Variants in ITPRID1 observed in about 807,000 individuals in gnomAD.
ITPRID1 encodes the protein ITPR interacting domain containing 1, also known as protein ITPRID1.
Under a neutral mutation model 95.4 loss-of-function variants are expected in ITPRID1, and 96 were observed. The ratio of observed to expected loss-of-function variants is 1.01; its 90% CI spans 0.85 to 1.19. The LOEUF is 1.19. ITPRID1 is among the 50% of genes most tolerant of loss of function. The pLI, the probability that ITPRID1 is intolerant of heterozygous loss-of-function variation, is 0.00. For synonymous variants in ITPRID1, 510 were observed against 453.6 expected (o/e 1.12, Z -1.58); for missense variants, 1,339 against 1,252.9 (o/e 1.07, Z -1.04).
At chr7:31,571,714 T>C (rs1223573665) in intron 6 of ITPRID1, among the ~76,000 whole-genome samples, 1 of 152,190 alleles carries the variant, frequency 6.6e-6, no homozygotes, top group Admixed American at 6.5e-5. Context: ...AGAATTAATG[T>C]AGAGTCACTT....
chr7:31,652,687 G>T lies in ITPRID1; in HGVS notation c.2993G>T (p.Gly998Val). The part of the protein sequence containing the change: ...DDGQEAPCSG[G>V]TQLAAFTPPT... The stretch of plus-strand genomic sequence containing the variant: ...GGCCAGGAGGCTCCCTGTTCAGGTG[G>T]GACCCAGTTGGCTGCCTTCACTCCA... The change falls in exon 15 of 15, where the codon GGG (glycine) becomes GTG (valine). Residue 998 changes from glycine (G) to valine (V), a missense_variant. Physicochemically the swap from Gly to Val is moderately radical, Grantham distance 109 (BLOSUM62 -3). Transcript: ENST00000615280. 6.2e-7 allele frequency: 1 copy of T among 1,613,892 alleles called. No individual in the cohort carries two copies. The highest frequency in any genetic ancestry group is 8.5e-7 in the Non-Finnish European group (1 of 1,179,878).
chr7:31,540,428 G>T (rs1245673517), intron 1 of ITPRID1, among the ~76,000 whole-genome samples: 1 of 152,112 alleles, frequency 6.6e-6, no homozygotes, highest in Non-Finnish European at 1.5e-5. Flanking sequence ...AGAAAAATTA[G>T]AATTTAATTT....
chr7:31,641,573 A>G (rs1790020829), intron 10 of ITPRID1, among the ~76,000 whole-genome samples: 1 of 152,168 alleles, frequency 6.6e-6, no homozygotes, highest in African/African-American at 2.4e-5. Context: ...GTAAGAATCT[A>G]CAGATAGATT....
chr7:31,533,458 T>C (rs1783665157), intron 1 of ITPRID1, among the ~76,000 whole-genome samples: 1 of 152,218 alleles, frequency 6.6e-6, no homozygotes, highest in African/African-American at 2.4e-5. Flanking sequence ...TTATCTGTTT[T>C]GTATTTTATT....
At chr7:31,657,055 G>A (rs1039137154), downstream of ITPRID1, among the ~76,000 whole-genome samples, 10 of 51,602 alleles carry the variant, frequency 1.9e-4, no homozygotes, top group Non-Finnish European at 2.8e-4. Context: ...ACACACACAC[G>A]CACTATATAT....
chr7:31,595,553 A>AT (rs1424970501), intron 10 of ITPRID1, among the ~76,000 whole-genome samples: 4 of 151,366 alleles, frequency 2.6e-5, no homozygotes, highest in African/African-American at 9.7e-5. Flanking sequence ...AAAATTACTA[A>AT]TTCAGATCAC....
intron 1 of ITPRID1, among the ~76,000 whole-genome samples, chr7:31,521,059 G>A (rs994148463): frequency 9.8e-6 from 1 of 102,546 alleles, no homozygotes; most frequent in African/African-American, 4.0e-5. Context: ...TTTTTTCATT[G>A]TTTTCCATTT....
intron 1 of ITPRID1, among the ~76,000 whole-genome samples, chr7:31,540,846 C>T (rs1783911267): frequency 6.6e-6 from 1 of 152,142 alleles, no homozygotes; most frequent in Admixed American, 6.5e-5. Flanking sequence ...ATCAGAAACC[C>T]TCTACAGGGA....
intron 10 of ITPRID1, among the ~76,000 whole-genome samples, chr7:31,603,295 C>T (rs1181002630): frequency 2.0e-5 from 3 of 152,080 alleles, no homozygotes; most frequent in East Asian, 1.9e-4. Context: ...CCTCCCTCCC[C>T]GTGGCAGCTG....
chr7:31,611,571 T>A (rs913468540), intron 10 of ITPRID1, among the ~76,000 whole-genome samples: 9 of 151,872 alleles, frequency 5.9e-5, no homozygotes, highest in Admixed American at 6.6e-5. Context: ...AAATTGTCTC[T>A]TTATATCCTG....
intron 7 of ITPRID1, among the ~76,000 whole-genome samples, chr7:31,573,865 T>A (rs1241766966): frequency 2.0e-5 from 3 of 150,350 alleles, no homozygotes; most frequent in African/African-American, 4.9e-5. Context: ...AAATTAAAAA[T>A]ATATATAAAA....
Position 31,625,922 on chromosome 7 carries a change from A to G in ITPRID1, c.1229-16254A>G, listed in dbSNP as rs375519455. On this transcript the variant is annotated intron_variant, in intron 10 of 14. Transcript: ENST00000615280. ...TTGTATTTCAGATACAGGTACACCT[A>G]ATGTTAGTAAGAAGGGTTTTTATTT... Among the ~76,000 whole-genome samples the G allele has an allele frequency of 2.2e-4, 33 of 152,308 alleles. 1 individual carries two copies. The highest frequency in any genetic ancestry group is 1.2e-3 in the Admixed American group (18 of 15,306).
Position 31,516,185 on chromosome 7 carries a change from C to T in ITPRID1, c.-98+2065C>T, listed in dbSNP as rs185223047. Among the ~76,000 whole-genome samples, 898 of 152,132 alleles carry T rather than the reference C, an allele frequency of 5.9e-3. 11 individuals carry two copies. Among genetic ancestry groups the T allele is most frequent in the African/African-American group, 0.021 (859 of 41,502 alleles). ...TAAGGCTAGAAGATTAATAATAAAC[C>T]CTCTTTGTAAAACACAGTATATAAT... On this transcript the variant is annotated intron_variant, in intron 1 of 14. Transcript: ENST00000615280.
intron 1 of ITPRID1, among the ~76,000 whole-genome samples, chr7:31,514,910 G>A (rs565885031): frequency 1.9e-4 from 29 of 151,512 alleles, no homozygotes; most frequent in African/African-American, 7.0e-4. Flanking sequence ...TAAAATAAAA[G>A]CAATTGTGTT....
At chr7:31,624,796 T>C (rs1283624058) in intron 10 of ITPRID1, among the ~76,000 whole-genome samples, 1 of 151,968 alleles carries the variant, frequency 6.6e-6, no homozygotes, top group Non-Finnish European at 1.5e-5. Flanking sequence ...CTAAAGAGCT[T>C]CTGCACAGCA....
intron 1 of ITPRID1, among the ~76,000 whole-genome samples, chr7:31,528,184 C>T (rs1337020659): frequency 6.6e-6 from 1 of 152,110 alleles, no homozygotes; most frequent in African/African-American, 2.4e-5. Flanking sequence ...GAGTGCTGCA[C>T]TCTCCCACAA....
chr7:31,625,595 G>A (rs1477270507), intron 10 of ITPRID1, among the ~76,000 whole-genome samples: 1 of 152,156 alleles, frequency 6.6e-6, no homozygotes, highest in Non-Finnish European at 1.5e-5. Flanking sequence ...ACACAGGAGA[G>A]GGAACATCAC....
rs892299910 is a variant in ITPRID1 at position 31,646,574 on chromosome 7, G to T, written c.2583+2621G>T. On this transcript the variant is annotated intron_variant, in intron 12 of 14. Transcript: ENST00000615280. ...CTCCAGGGTGACCAAGTGTGGACCCGAGCTCTTCTTATTCCTCCTTCCTAG... is the reference window on the plus strand; with the variant it reads ...CTCCAGGGTGACCAAGTGTGGACCCTAGCTCTTCTTATTCCTCCTTCCTAG... 2.6e-5 allele frequency among the ~76,000 whole-genome samples: 4 copies of T among 152,244 alleles called. No homozygotes were observed. The South Asian group carries it at 8.3e-4, about 32-fold the overall frequency.
intron 6 of ITPRID1, among the ~76,000 whole-genome samples, chr7:31,570,910 T>G (rs1394612375): frequency 1.3e-5 from 2 of 152,150 alleles, no homozygotes; most frequent in African/African-American, 2.4e-5. Context: ...CTGCCTCTCC[T>G]TGAGGCTCAA....
Sources: allele counts gnomAD v4.1 joint callset (sites outside exome capture counted in the v4.1 genomes callset), GRCh38; gene constraint gnomAD v4.1.1; transcripts MANE v1.5; gene names NCBI Gene and HGNC (gene_info 2026-07-23, HGNC 2026-07-21).